Variants in LDLRAD3 observed in about 807,000 individuals in gnomAD.
LDLRAD3 encodes the protein low density lipoprotein receptor class A domain containing 3.
A neutral mutation model predicts 29.4 loss-of-function variants in LDLRAD3; 20 were observed. That is an observed-to-expected ratio of 0.68 (90% CI 0.48 to 0.99). LDLRAD3 has a LOEUF of 0.99. Ranked by LOEUF, LDLRAD3 falls within the 50% of genes least tolerant of loss-of-function variation. The probability of loss-of-function intolerance (pLI) is 0.00; values close to 1 mark genes in which losing one functional copy is unlikely to be tolerated. For missense variants in LDLRAD3, 420 were observed against 454.3 expected (o/e 0.92, Z 0.69); for synonymous variants, 157 against 192.7 (o/e 0.81, Z 1.53).
chr11:36,226,961 T>C, intron 4 of LDLRAD3, 124 bp from the exon 5 acceptor site: 1 of 752,284 alleles, frequency 1.3e-6, no homozygotes. Flanking sequence ...GTTTCCACTT[T>C]TTGGCTATTG....
intron 4 of LDLRAD3, among the ~76,000 whole-genome samples, chr11:36,143,942 CCCTCCCTCTCTT>C: frequency 8.0e-6 from 1 of 124,702 alleles, no homozygotes; most frequent in African/African-American, 3.4e-5. Context: ...CTCCCCCTCC[CCCTCCCTCTCTT>C]GCCACGGTCT....
chr11:36,175,960 G>T (rs995923477), intron 4 of LDLRAD3, among the ~76,000 whole-genome samples: 3 of 152,096 alleles, frequency 2.0e-5, no homozygotes, highest in Non-Finnish European at 2.9e-5. Flanking sequence ...AGGTCTAGAG[G>T]TAATTGTTTT....
intron 1 of LDLRAD3, among the ~76,000 whole-genome samples, chr11:35,963,710 A>C (rs1423428594): frequency 6.6e-6 from 1 of 152,052 alleles, no homozygotes; most frequent in Non-Finnish European, 1.5e-5. Flanking sequence ...AGAAGTCTCC[A>C]CTCTGTATGT....
At chr11:36,094,056 C>T (rs894079289) in intron 3 of LDLRAD3, among the ~76,000 whole-genome samples, 2 of 152,230 alleles carry the variant, frequency 1.3e-5, no homozygotes, top group African/African-American at 4.8e-5. Flanking sequence ...TCAATCCAGT[C>T]TGTGGATTTG....
chr11:36,102,596 T>G (rs1853466732), intron 4 of LDLRAD3, among the ~76,000 whole-genome samples: 1 of 152,180 alleles, frequency 6.6e-6, no homozygotes, highest in Non-Finnish European at 1.5e-5. Context: ...AATGGGGCCC[T>G]GAAAGTGCAG....
intron 4 of LDLRAD3, chr11:36,163,359 A>G (rs1854470500): frequency 6.6e-6 from 1 of 152,230 alleles, no homozygotes; most frequent in Non-Finnish European, 1.5e-5. Flanking sequence ...CAGCAGACCC[A>G]TTCTTCTTAA....
At chr11:36,078,017 G>T (rs1052005887) in intron 2 of LDLRAD3, among the ~76,000 whole-genome samples, 11 of 152,210 alleles carry the variant, frequency 7.2e-5, no homozygotes, top group African/African-American at 1.7e-4. Context: ...ACAGTGGGCA[G>T]CTCCTCTCCG....
chr11:35,948,653 G>T (rs150623004), intron 1 of LDLRAD3, among the ~76,000 whole-genome samples: 1 of 152,096 alleles, frequency 6.6e-6, no homozygotes, highest in Non-Finnish European at 1.5e-5. Flanking sequence ...AATATAGTAC[G>T]TGGACTTTTA....
At chr11:36,099,095 C>T (rs911127105) in intron 4 of LDLRAD3, among the ~76,000 whole-genome samples, 2 of 152,024 alleles carry the variant, frequency 1.3e-5, no homozygotes, top group Non-Finnish European at 2.9e-5. Context: ...CATTTTTTCC[C>T]GTCATGTTTG....
intron 1 of LDLRAD3, among the ~76,000 whole-genome samples, chr11:36,022,550 A>C (rs1261913939): frequency 6.6e-6 from 1 of 152,146 alleles, no homozygotes; most frequent in Non-Finnish European, 1.5e-5. Context: ...TTGATTACCC[A>C]GGGAGACTGT....
intron 4 of LDLRAD3, among the ~76,000 whole-genome samples, chr11:36,098,989 A>AT (rs374170090): frequency 9.9e-5 from 13 of 131,674 alleles, no homozygotes; most frequent in Admixed American, 1.6e-4. Flanking sequence ...CTGCTGCCCT[A>AT]TTTTTTTTTT....
In LDLRAD3 at chr11:36,094,247, A is replaced by G. The variant is rs1853325329; in HGVS notation, c.320-4080A>G. 2.0e-5 allele frequency among the ~76,000 whole-genome samples: 3 copies of G among 152,128 alleles called. No individual in the cohort carries two copies. In the South Asian group the frequency reaches 6.2e-4, roughly 32 times the overall value. On this transcript the variant is annotated intron_variant, in intron 3 of 5. Transcript: ENST00000315571. ...CTTGACACCAGTTCATTGATTTTTC[A>G]CTACAACACAGCATCAGTTGATGCA... is the stretch of plus-strand genomic sequence containing the variant.
intron 1 of LDLRAD3, among the ~76,000 whole-genome samples, chr11:36,003,671 A>G (rs1336596331): frequency 6.6e-6 from 1 of 152,210 alleles, no homozygotes; most frequent in Non-Finnish European, 1.5e-5. Flanking sequence ...TGAGAAAGTG[A>G]TAATTCAAAT....
intron 4 of LDLRAD3, among the ~76,000 whole-genome samples, chr11:36,145,137 C>A (rs1173225944): frequency 8.2e-6 from 1 of 122,050 alleles, no homozygotes; most frequent in Non-Finnish European, 1.7e-5. Context: ...CGGCCAGCTG[C>A]CCCATCTGGG....
At chr11:36,038,734 T>C (rs1009515210) in intron 2 of LDLRAD3, among the ~76,000 whole-genome samples, 9 of 152,210 alleles carry the variant, frequency 5.9e-5, no homozygotes, top group African/African-American at 2.2e-4. Flanking sequence ...TTTTTTCCCC[T>C]GACTTCCTAC....
At chr11:36,073,385 T>C (rs964214947) in intron 2 of LDLRAD3, among the ~76,000 whole-genome samples, 2 of 152,246 alleles carry the variant, frequency 1.3e-5, no homozygotes, top group Admixed American at 6.5e-5. Flanking sequence ...TGTCTGCCTT[T>C]GTCAGGGCTG....
intron 1 of LDLRAD3, among the ~76,000 whole-genome samples, chr11:36,025,964 G>T (rs543808491): frequency 6.6e-6 from 1 of 150,596 alleles, no homozygotes; most frequent in Admixed American, 6.6e-5. Context: ...ATTTTTCATA[G>T]AGACGGGGTT....
chr11:36,168,215 A>G (rs1425931824), intron 4 of LDLRAD3, among the ~76,000 whole-genome samples: 1 of 152,210 alleles, frequency 6.6e-6, no homozygotes, highest in Non-Finnish European at 1.5e-5. Context: ...CATTTTCTTT[A>G]AAAACCAACA....
At chr11:36,136,518 A>G (rs540156229) in intron 4 of LDLRAD3, among the ~76,000 whole-genome samples, 1 of 152,142 alleles carries the variant, frequency 6.6e-6, no homozygotes, top group African/African-American at 2.4e-5. Context: ...GTTGTTTAAA[A>G]GTGTGTGGCA....
Sources: allele counts gnomAD v4.1 joint callset (sites outside exome capture counted in the v4.1 genomes callset), GRCh38; gene constraint gnomAD v4.1.1; transcripts MANE v1.5; gene names NCBI Gene and HGNC (gene_info 2026-07-23, HGNC 2026-07-21).